Variants in SEC63 observed in about 807,000 individuals in gnomAD.
The protein encoded by SEC63 is SEC63 protein translocation regulator, also known as translocation protein SEC63 homolog.
Under a neutral mutation model 116.2 loss-of-function variants are expected in SEC63, and 56 were observed. The observed-to-expected ratio is 0.48, with a 90% CI of 0.39 to 0.60. The LOEUF is 0.60. Among genes scored for constraint, SEC63 ranks in the 20% least tolerant of loss-of-function variants. SEC63 has a pLI of 0.00. For synonymous variants in SEC63, 273 were observed against 294.6 expected, an observed-to-expected ratio of 0.93 and a Z score of 0.75; for missense variants, 668 against 900.0, an observed-to-expected ratio of 0.74 and a Z score of 3.30.
At chr6:107,926,132 C>T (rs11964247) in intron 2 of SEC63, among the ~76,000 whole-genome samples, 1,720 of 152,192 alleles carry the variant, frequency 0.011, 37 homozygotes, top group African/African-American at 0.039. Flanking sequence ...CAGTGAAATA[C>T]TTTCTGGCTA....
At chr6:107,877,326 G>A (rs1324593308) in intron 18 of SEC63, 1 of 152,090 alleles carries the variant, frequency 6.6e-6, no homozygotes, top group African/African-American at 2.4e-5. Context: ...ACTCTAGGAT[G>A]TTCTAAATAT....
rs545467320 is a variant in SEC63, at chr6:107,919,699, G to A, written c.452+2098C>T. Among the ~76,000 whole-genome samples the A allele has an allele frequency of 7.9e-5, 12 of 152,090 alleles. 1 individual carries two copies. In the South Asian group the frequency reaches 2.5e-3, roughly 32 times the overall value. Reference sequence around the variant, plus strand: ...TAGCCGGGCATGTTGGCGGGTGCCTGTAGTCCCAGCTACTCGGGAGGCTGA... The same window carrying A: ...TAGCCGGGCATGTTGGCGGGTGCCTATAGTCCCAGCTACTCGGGAGGCTGA... On this transcript the variant is annotated intron_variant, in intron 4 of 20. Coordinates refer to ENST00000369002, the MANE Select transcript of SEC63 (RefSeq NM_007214.5).
chr6:107,947,105 G>A (rs778980973), intron 1 of SEC63, among the ~76,000 whole-genome samples: 106 of 152,238 alleles, frequency 7.0e-4, no homozygotes, highest in Non-Finnish European at 1.5e-3. Flanking sequence ...AAAAAACACA[G>A]CCTTGGTGAC....
At chr6:107,879,688 T>C (rs568816757) in intron 18 of SEC63, among the ~76,000 whole-genome samples, 7 of 151,808 alleles carry the variant, frequency 4.6e-5, no homozygotes, top group African/African-American at 1.5e-4. Flanking sequence ...CAGATTAAAT[T>C]TGAAAAAGGC....
intron 7 of SEC63, among the ~76,000 whole-genome samples, chr6:107,909,720 AG>A (rs1365406114): frequency 6.6e-6 from 1 of 152,222 alleles, no homozygotes; most frequent in Non-Finnish European, 1.5e-5. Context: ...AAACAAATGT[AG>A]GCATAATTTT....
In SEC63 at chr6:107,906,584, G is replaced by A. The variant is rs774587431; in HGVS notation, c.829-4C>T. The A allele has an allele frequency of 1.2e-6, 2 of 1,611,468 alleles. No homozygotes were observed. Among genetic ancestry groups the A allele is most frequent in the Non-Finnish European group, 1.7e-6 (2 of 1,177,904 alleles). On this transcript the variant is annotated splice_polypyrimidine_tract_variant and splice_region_variant and intron_variant, in intron 9 of 20. Transcript: ENST00000369002. The stretch of plus-strand genomic sequence containing the variant: ...TGCTGCCAATTTCTCTGATTAGCTA[G>A]AATAAATAAAATAATTATTCAAAAA...
At chr6:107,944,915 C>A in intron 1 of SEC63, among the ~76,000 whole-genome samples, 1 of 7,164 alleles carries the variant, frequency 1.4e-4, no homozygotes, top group Admixed American at 1.4e-3. Context: ...AAACAAAAAT[C>A]TAGGCCGGGC....
chr6:107,890,312 C>T (rs977510206), intron 16 of SEC63, among the ~76,000 whole-genome samples: 2 of 152,182 alleles, frequency 1.3e-5, no homozygotes, highest in Non-Finnish European at 2.9e-5. Flanking sequence ...GATCCCTTTA[C>T]CATTATGTAA....
Position 107,871,420 on chromosome 6 carries a change from A to G in SEC63, c.*284T>C. On this transcript the variant is annotated 3_prime_UTR_variant, in exon 21 of 21. Transcript: ENST00000369002. ...GGACCATAGACTGATCAGATAATAC[A>G]TAGCCCACACTTCTGGACAGTTATA... 2.3e-6 allele frequency: 1 copy of G among 426,548 alleles called. No individual in the cohort carries two copies. Among genetic ancestry groups the G allele is most frequent in the South Asian group, 2.1e-5 (1 of 46,786 alleles). 26.4% of individuals were successfully genotyped at this position (426,548 alleles called of 1,614,324 possible).
chr6:107,956,039 G>T, intron 1 of SEC63: 1 of 406,896 alleles, frequency 2.5e-6, no homozygotes. Context: ...CAGCTACTCG[G>T]GGGGCTGAAG....
Position 107,914,660 on chromosome 6 carries a change from TTTC to T in SEC63, c.453-1236_453-1234del, listed in dbSNP as rs746751913. Among the ~76,000 whole-genome samples the T allele has an allele frequency of 7.9e-5, 12 of 152,256 alleles. No homozygotes were observed. The East Asian group carries it at 1.7e-3, about 22-fold the overall frequency. On this transcript the variant is annotated intron_variant, in intron 4 of 20. Transcript: ENST00000369002. ...AGATAATAAGGAATAGTGCTAAGATTTTCTTTTCAAAATTGAGGGATGTTTCTC... is the reference window on the plus strand; with the variant it reads ...AGATAATAAGGAATAGTGCTAAGATTTTTTCAAAATTGAGGGATGTTTCTC...
chr6:107,873,432 C>T (rs1350885954), intron 19 of SEC63, among the ~76,000 whole-genome samples: 1 of 152,052 alleles, frequency 6.6e-6, no homozygotes, highest in African/African-American at 2.4e-5. Context: ...GACAAAAGAA[C>T]AATTTTTTAA....
At chr6:107,918,928 T>G (rs1212688469) in intron 4 of SEC63, among the ~76,000 whole-genome samples, 2 of 71,802 alleles carry the variant, frequency 2.8e-5, no homozygotes, top group South Asian at 5.1e-4. Context: ...TTTTTTTTTT[T>G]GAGACAGAGT....
At chr6:107,957,787 C>G in intron 1 of SEC63, 99 bp downstream of exon 1, 4 of 1,266,728 alleles carry the variant, frequency 3.2e-6, no homozygotes, top group Non-Finnish European at 4.0e-6. Context: ...CCTGTCATCC[C>G]GGACGCCGCG....
chr6:107,911,516 CTTG>C, intron 6 of SEC63, 120 bp from the exon 7 acceptor site: 1 of 726,458 alleles, frequency 1.4e-6, no homozygotes. Context: ...CATGTATTAT[CTTG>C]TTTAATCCTT....
intron 12 of SEC63, 79 bp downstream of exon 12, chr6:107,902,765 C>T (rs1253899702): frequency 1.5e-6 from 2 of 1,343,270 alleles, no homozygotes; most frequent in Non-Finnish European, 2.1e-6. Flanking sequence ...GTAACCATTT[C>T]CAGAAAACTT....
At position 107,897,755 on chromosome 6, in the gene SEC63, C is replaced by G. The variant is rs778556925; in HGVS notation, c.1358-24G>C. On this transcript the variant is annotated intron_variant, in intron 13 of 20. Coordinates refer to ENST00000369002, the MANE Select transcript of SEC63 (RefSeq NM_007214.5). Reference sequence around the variant, plus strand: ...CACTGTTAAGATGGAAGAAAAAAAACAGCAAAAAATAAAAATCAAGTTCTA... The same window carrying G: ...CACTGTTAAGATGGAAGAAAAAAAAGAGCAAAAAATAAAAATCAAGTTCTA... The G allele has an allele frequency of 7.3e-6, 11 of 1,499,020 alleles. No homozygotes were observed. The East Asian group carries it at 2.5e-4, about 34-fold the overall frequency. 92.9% of individuals were successfully genotyped at this position (1,499,020 alleles called of 1,614,324 possible). A position where few individuals can be genotyped will look rare whatever the true frequency, so the allele number is the denominator to read the frequency against.
intron 4 of SEC63, 134 bp from the exon 5 acceptor site, chr6:107,913,561 C>G: frequency 1.3e-6 from 1 of 752,136 alleles, no homozygotes; most frequent in Non-Finnish European, 2.4e-6. Flanking sequence ...AAAAGTTTCT[C>G]TGAAATCAGG....
In SEC63 at chr6:107,876,670, CAAAAAAAA is replaced by C. The variant is rs749125299; in HGVS notation, c.1936-16_1936-9del. 44 of 760,302 alleles carry C rather than the reference CAAAAAAAA, an allele frequency of 5.8e-5. 1 individual carries two copies. The highest frequency in any genetic ancestry group is 1.3e-4 in the Admixed American group (4 of 31,786). The allele number at this position is 760,302 out of a possible 1,614,324, so 47.1% of individuals were successfully genotyped here. On this transcript the variant is annotated splice_polypyrimidine_tract_variant and intron_variant, in intron 18 of 20. Transcript: ENST00000369002. ...CCACCATTCTTGTTTTTCCTGGAAA[CAAAAAAAA>C]AAAAAAAAAAAGAAGAGGGGTATAA...
Sources: allele counts gnomAD v4.1 joint callset (sites outside exome capture counted in the v4.1 genomes callset), GRCh38; gene constraint gnomAD v4.1.1; transcripts MANE v1.5; gene names NCBI Gene and HGNC (gene_info 2026-07-23, HGNC 2026-07-21).